Variants in ZNF407 observed in about 807,000 individuals in gnomAD.
ZNF407 encodes the protein zinc finger protein 407.
In ZNF407, 17 loss-of-function variants were observed where a neutral mutation model predicts 131.2. The observed-to-expected ratio is 0.13, with a 90% CI of 0.09 to 0.19. The LOEUF (loss-of-function observed/expected upper bound fraction) is 0.19. Among genes scored for constraint, ZNF407 ranks in the 10% least tolerant of loss-of-function variants. The pLI is 1.00. For missense variants in ZNF407, 2,681 were observed against 2,830.6 expected, an observed-to-expected ratio of 0.95 and a Z score of 1.20; for synonymous variants, 1,156 against 1,062.0, an observed-to-expected ratio of 1.09 and a Z score of -1.72.
intron 7 of ZNF407, among the ~76,000 whole-genome samples, chr18:74,909,060 A>G (rs1335674849): frequency 1.4e-5 from 2 of 143,894 alleles, no homozygotes; most frequent in South Asian, 2.3e-4. Context: ...ATATAAACGT[A>G]TAATATTGTA....
intron 3 of ZNF407, among the ~76,000 whole-genome samples, chr18:74,664,325 C>T (rs2144737393): frequency 6.6e-6 from 1 of 152,254 alleles, no homozygotes; most frequent in South Asian, 2.1e-4. Context: ...CATGGTGAAA[C>T]CCCATCTATA....
intron 3 of ZNF407, among the ~76,000 whole-genome samples, chr18:74,710,699 CT>C (rs934550540): frequency 1.8e-4 from 28 of 152,032 alleles, no homozygotes; most frequent in African/African-American, 3.6e-4. Flanking sequence ...AATAAGAATG[CT>C]TTTTTTTCTT....
intron 8 of ZNF407, among the ~76,000 whole-genome samples, chr18:74,954,339 A>T (rs1446244431): frequency 6.6e-6 from 1 of 152,206 alleles, no homozygotes; most frequent in Admixed American, 6.5e-5. Context: ...TATTGTTAAT[A>T]TATATCTTTA....
intron 3 of ZNF407, among the ~76,000 whole-genome samples, chr18:74,672,943 A>G (rs1221946978): frequency 1.3e-5 from 2 of 152,176 alleles, no homozygotes; most frequent in Non-Finnish European, 1.5e-5. Context: ...ATTATGATGG[A>G]TTCTTACCTT....
chr18:74,655,416 A>G (rs1323423089), intron 3 of ZNF407, among the ~76,000 whole-genome samples: 2 of 152,206 alleles, frequency 1.3e-5, no homozygotes, highest in South Asian at 4.1e-4. Context: ...AAAAATATAC[A>G]TTACCTTATG....
chr18:75,006,570 T>G (rs944751162), intron 8 of ZNF407, among the ~76,000 whole-genome samples: 1 of 152,192 alleles, frequency 6.6e-6, no homozygotes, highest in Non-Finnish European at 1.5e-5. Flanking sequence ...TAAAAAAATT[T>G]TCCTCCTTAT....
chr18:74,907,402 A>G (rs1231533977), intron 7 of ZNF407, among the ~76,000 whole-genome samples: 1 of 152,164 alleles, frequency 6.6e-6, no homozygotes, highest in Non-Finnish European at 1.5e-5. Context: ...AAGCTTCACA[A>G]CTGGAGAAGA....
At chr18:74,870,576 G>C in intron 4 of ZNF407, among the ~76,000 whole-genome samples, 1 of 152,158 alleles carries the variant, frequency 6.6e-6, no homozygotes, top group Middle Eastern at 3.2e-3. Flanking sequence ...TCAAAGTCTA[G>C]TCTAACTTAA....
At chr18:75,033,216 G>A (rs924419905) in intron 8 of ZNF407, among the ~76,000 whole-genome samples, 151 of 132,120 alleles carry the variant, frequency 1.1e-3, no homozygotes, top group Middle Eastern at 4.4e-3. Context: ...GGAATGGGGG[G>A]AAGATAGTAT....
intron 4 of ZNF407, among the ~76,000 whole-genome samples, chr18:74,835,636 G>GTGTT (rs113935763): frequency 0.025 from 3,599 of 146,104 alleles, 125 homozygotes; most frequent in African/African-American, 0.083. Flanking sequence ...GGGGGTGTGT[G>GTGTT]TGTGTGTGTG....
intron 7 of ZNF407, among the ~76,000 whole-genome samples, chr18:74,906,571 A>G (rs921472775): frequency 6.6e-6 from 1 of 152,228 alleles, no homozygotes; most frequent in African/African-American, 2.4e-5. Flanking sequence ...CACTGAGCAA[A>G]ACAAAAGTTT....
At chr18:74,705,101 A>T (rs141667763) in intron 3 of ZNF407, among the ~76,000 whole-genome samples, 38 of 152,248 alleles carry the variant, frequency 2.5e-4, no homozygotes, top group Non-Finnish European at 4.6e-4. Flanking sequence ...CAGGAGGTTA[A>T]TGGAGGATTG....
At chr18:74,954,626 G>A (rs1972254945) in intron 8 of ZNF407, among the ~76,000 whole-genome samples, 1 of 151,928 alleles carries the variant, frequency 6.6e-6, no homozygotes, top group Non-Finnish European at 1.5e-5. Context: ...TTGTTACTAA[G>A]CAGTGAAGTT....
chr18:74,642,213 T>G (rs546238263), intron 3 of ZNF407, among the ~76,000 whole-genome samples: 18 of 152,232 alleles, frequency 1.2e-4, no homozygotes, highest in Admixed American at 2.6e-4. Flanking sequence ...GAATTGATGG[T>G]TCAGTGACTT....
chr18:74,756,134 T>C (rs1968957433), intron 3 of ZNF407, among the ~76,000 whole-genome samples: 1 of 151,588 alleles, frequency 6.6e-6, no homozygotes, highest in African/African-American at 2.4e-5. Flanking sequence ...CCTCATGATG[T>C]GCTCACGTCA....
At chr18:75,040,155 T>C (rs1235341615) in intron 8 of ZNF407, among the ~76,000 whole-genome samples, 1 of 152,214 alleles carries the variant, frequency 6.6e-6, no homozygotes, top group Non-Finnish European at 1.5e-5. Context: ...ATAGCTCATG[T>C]GAACTGGGAT....
At chr18:74,680,578 A>G (rs897734730) in intron 3 of ZNF407, among the ~76,000 whole-genome samples, 3 of 151,666 alleles carry the variant, frequency 2.0e-5, no homozygotes, top group Non-Finnish European at 4.4e-5. Flanking sequence ...ATCAAATACA[A>G]CTCCCGCCCC....
At chr18:74,763,584 C>T (rs948635385) in intron 3 of ZNF407, among the ~76,000 whole-genome samples, 13 of 151,406 alleles carry the variant, frequency 8.6e-5, no homozygotes, top group Admixed American at 2.6e-4. Flanking sequence ...GTCTGTGATT[C>T]ATATGAATGA....
At chr18:75,006,141 G>A (rs1972907847) in intron 8 of ZNF407, among the ~76,000 whole-genome samples, 1 of 152,158 alleles carries the variant, frequency 6.6e-6, no homozygotes, top group Admixed American at 6.5e-5. Flanking sequence ...GCTGCGACGT[G>A]CAGTCCTAAT....
Sources: gnomAD v4.1 joint callset for allele counts (sites outside exome capture counted in the v4.1 genomes callset) on GRCh38, gnomAD v4.1.1 for gene constraint, MANE v1.5 for transcripts, NCBI Gene and HGNC (gene_info 2026-07-23, HGNC 2026-07-21) for gene names.